The following CHL1 variants were observed in gnomAD, a reference collection of about 807,000 sequenced individuals.
The protein encoded by CHL1 is cell adhesion molecule L1 like.
In CHL1, 96 loss-of-function variants were observed where a neutral mutation model predicts 141.9. The observed-to-expected ratio is 0.68, with a 90% CI of 0.57 to 0.80. CHL1 has a LOEUF of 0.80. Ranked by LOEUF, CHL1 falls within the 30% of genes least tolerant of loss-of-function variation. The pLI, the probability that CHL1 is intolerant of heterozygous loss-of-function variation, is 0.00. For missense variants in CHL1, 1,820 were observed against 1,457.2 expected (o/e 1.25, Z -4.05); for synonymous variants, 613 against 502.2 (o/e 1.22, Z -2.95).
intron 2 of CHL1, among the ~76,000 whole-genome samples, chr3:319,481 T>C (rs1387219913): frequency 2.7e-5 from 4 of 149,872 alleles, no homozygotes. Flanking sequence ...TGGTTTACAA[T>C]AGAGTATATA....
At chr3:243,677 T>G (rs1692885834) in intron 1 of CHL1, among the ~76,000 whole-genome samples, 1 of 152,168 alleles carries the variant, frequency 6.6e-6, no homozygotes, top group Non-Finnish European at 1.5e-5. Context: ...AAAAAGATTG[T>G]CAAATAATAC....
At chr3:207,872 T>C (rs1699575055) in intron 1 of CHL1, among the ~76,000 whole-genome samples, 1 of 152,168 alleles carries the variant, frequency 6.6e-6, no homozygotes. Flanking sequence ...TGAACACAAT[T>C]GATTTGCTTG....
In CHL1 at chr3:359,753, G is replaced by A. The variant is rs1704041890; in HGVS notation, c.1166-531G>A. On this transcript the variant is annotated intron_variant, in intron 11 of 27. Transcript: ENST00000256509. Reference sequence around the variant, plus strand: ...TGGGAAAATGAAATATACAAGCAATGTACATGAAGTGGTTAAATAGTGAAG... The same window carrying A: ...TGGGAAAATGAAATATACAAGCAATATACATGAAGTGGTTAAATAGTGAAG... 2.6e-5 allele frequency among the ~76,000 whole-genome samples: 4 copies of A among 152,156 alleles called. No homozygotes were observed. The South Asian group carries it at 6.2e-4, about 24-fold the overall frequency.
At chr3:209,396 A>T (rs1171747052) in intron 1 of CHL1, among the ~76,000 whole-genome samples, 2 of 152,234 alleles carry the variant, frequency 1.3e-5, no homozygotes, top group African/African-American at 4.8e-5. Flanking sequence ...AGAAATGACT[A>T]TATGGGTGAT....
rs1227233134 is a variant in CHL1, at chr3:363,318, C to G, written c.1520C>G (p.Ser507Cys). The G allele has an allele frequency of 1.9e-6, 3 of 1,613,608 alleles. No individual in the cohort carries two copies. Among genetic ancestry groups the G allele is most frequent in the African/African-American group, 1.3e-5 (1 of 74,894 alleles). Residue 507 changes from serine (S) to cysteine (C), a missense_variant, in exon 14 of 28, where the codon TCT (serine) becomes TGT (cysteine). Physicochemically the swap from Ser to Cys is moderately radical, Grantham distance 112. Coordinates refer to ENST00000256509, the MANE Select transcript of CHL1 (RefSeq NM_006614.4). ...INRTTEEDAG[S>C]YSCWVENAIG... ...AGAACCACCGAAGAAGATGCTGGGT[C>G]TTACTCATGTTGGGTAGAAAATGCT...
chr3:354,223 C>A (rs3773388), intron 10 of CHL1, among the ~76,000 whole-genome samples: 49,641 of 151,908 alleles, frequency 0.33, 9,245 homozygotes, highest in South Asian at 0.44. Context: ...AAAATTCTTA[C>A]AATATAATTC....
intron 2 of CHL1, among the ~76,000 whole-genome samples, chr3:281,356 C>T (rs2125296389): frequency 6.6e-6 from 1 of 152,248 alleles, no homozygotes; most frequent in South Asian, 2.1e-4. Context: ...CATCCAAGTG[C>T]TTGGGTACTG....
intron 2 of CHL1, among the ~76,000 whole-genome samples, chr3:268,572 T>C (rs1695365139): frequency 6.6e-6 from 1 of 151,684 alleles, no homozygotes; most frequent in Non-Finnish European, 1.5e-5. Context: ...TAAAATAAAA[T>C]AAAATAATGA....
chr3:315,367 C>T (rs1700082804), intron 2 of CHL1, among the ~76,000 whole-genome samples: 1 of 152,082 alleles, frequency 6.6e-6, no homozygotes, highest in South Asian at 2.1e-4. Context: ...GTCATGTGAC[C>T]AGTCAGGAGG....
At chr3:373,651 C>A (rs1705929033) in intron 15 of CHL1, 1 of 152,388 alleles carries the variant, frequency 6.6e-6, no homozygotes, top group Admixed American at 6.5e-5. Context: ...CGCCCCTCCA[C>A]CAGGAGCTCG....
intron 10 of CHL1, among the ~76,000 whole-genome samples, chr3:354,073 C>G (rs1703494218): frequency 6.6e-6 from 1 of 152,040 alleles, no homozygotes; most frequent in Admixed American, 6.6e-5. Flanking sequence ...CTAAACACTG[C>G]TTTTGGGCTT....
intron 11 of CHL1, 114 bp downstream of exon 11, chr3:354,885 T>C: frequency 1.6e-6 from 2 of 1,285,422 alleles, no homozygotes; most frequent in Admixed American, 4.6e-5. Flanking sequence ...GCAGGACAGA[T>C]ACAACCAGCA....
chr3:318,102 G>T (rs1027410977), intron 2 of CHL1, among the ~76,000 whole-genome samples: 1 of 151,696 alleles, frequency 6.6e-6, no homozygotes, highest in Admixed American at 6.6e-5. Flanking sequence ...AGGTGGGAGG[G>T]TAGTATTTTC....
chr3:274,806 TATA>T (rs914738896), intron 2 of CHL1, among the ~76,000 whole-genome samples: 1 of 152,238 alleles, frequency 6.6e-6, no homozygotes, highest in Non-Finnish European at 1.5e-5. Flanking sequence ...CTTTTATCTG[TATA>T]ATGACTTACC....
At chr3:235,073 A>G (rs1320959992) in intron 1 of CHL1, among the ~76,000 whole-genome samples, 1 of 151,864 alleles carries the variant, frequency 6.6e-6, no homozygotes, top group Non-Finnish European at 1.5e-5. Context: ...TTACATATGT[A>G]TACATGTGCC....
intron 12 of CHL1, among the ~76,000 whole-genome samples, 166 bp downstream of exon 12, chr3:360,590 C>T (rs375211751): frequency 3.8e-5 from 5 of 130,788 alleles, no homozygotes; most frequent in Non-Finnish European, 7.2e-5. Context: ...ATTGTACTTT[C>T]TTTTTTTTTT....
At chr3:263,219 G>C (rs1202035318) in intron 2 of CHL1, among the ~76,000 whole-genome samples, 1 of 152,154 alleles carries the variant, frequency 6.6e-6, no homozygotes, top group Non-Finnish European at 1.5e-5. Flanking sequence ...CCCCGAGACT[G>C]CTGGTGATTT....
intron 2 of CHL1, among the ~76,000 whole-genome samples, chr3:314,329 G>C (rs4998345): frequency 3.4e-4 from 22 of 65,322 alleles, no homozygotes; most frequent in South Asian, 8.1e-4. Flanking sequence ...CTCTCTATGT[G>C]TATATATATA....
At position 292,135 on chromosome 3, in the gene CHL1, A is replaced by G. The variant is rs542521684; in HGVS notation, c.-94-27548A>G. Among the ~76,000 whole-genome samples, 4 of 152,334 alleles carry G rather than the reference A, an allele frequency of 2.6e-5. No individual in the cohort carries two copies. In the South Asian group the frequency reaches 8.3e-4, roughly 32 times the overall value. ...TAGAAGTCATAAAAGTGTTCCTCAC[A>G]AATTGACTCCTTAGAAATGCTGACT... On this transcript the variant is annotated intron_variant, in intron 2 of 27. Coordinates refer to ENST00000256509, the MANE Select transcript of CHL1 (RefSeq NM_006614.4).
Sources: gnomAD v4.1 joint callset for allele counts (sites outside exome capture counted in the v4.1 genomes callset) on GRCh38, gnomAD v4.1.1 for gene constraint, MANE v1.5 for transcripts, NCBI Gene and HGNC (gene_info 2026-07-23, HGNC 2026-07-21) for gene names.